The following POF1B variants were observed in gnomAD, a reference collection of about 807,000 sequenced individuals.
POF1B encodes POF1B actin binding protein.
A neutral mutation model predicts 55.3 loss-of-function variants in POF1B; 53 were observed. That is an observed-to-expected ratio of 0.96 (90% confidence interval 0.77 to 1.20). POF1B has a LOEUF of 1.20. Among genes scored for constraint, POF1B ranks in the 50% most tolerant of loss-of-function variants. The pLI, the probability that POF1B is intolerant of heterozygous loss-of-function variation, is 0.00. For missense variants in POF1B, 478 were observed against 420.5 expected (o/e 1.14, Z -1.20); for synonymous variants, 188 against 148.3 (o/e 1.27, Z -1.95).
At chrX:85,331,739 C>G (rs1196861672) in intron 6 of POF1B, among the ~76,000 whole-genome samples, 1 of 110,920 alleles carries the variant, frequency 9.0e-6, no homozygotes, top group African/African-American at 3.3e-5. Context: ...CCTATATTTT[C>G]TTCCCCCTCC....
chrX:85,322,363 A>G (rs1377170268), intron 7 of POF1B, among the ~76,000 whole-genome samples: 4 of 111,245 alleles, frequency 3.6e-5, no homozygotes, highest in Non-Finnish European at 7.5e-5. Context: ...CTATTTAATA[A>G]ATGGTGCTGG....
intron 6 of POF1B, among the ~76,000 whole-genome samples, chrX:85,338,929 A>G (rs1051881822): frequency 8.1e-5 from 9 of 111,733 alleles, no homozygotes; most frequent in Non-Finnish European, 3.8e-5. Context: ...GCAATTAAAA[A>G]TGATGCATTG....
At position 85,307,252 on chromosome X, in the gene POF1B, G is replaced by C; in HGVS notation, c.1075C>G (p.Leu359Val). The change falls in exon 11 of 17, where the codon CTT becomes GTT. Residue 359 changes from leucine (L) to valine (V), a missense_variant. Leu to Val is a conservative substitution (Grantham distance 32). Coordinates refer to ENST00000262753, the MANE Select transcript of POF1B (RefSeq NM_024921.4). The part of the protein sequence containing the change: ...MTSLENDKMR[L>V]EKDLSFKDTQ... ...TCTTTGAATGATAAATCTTTCTCAAGTCTCATCTTGTCATTTTCCAGTGAC... is the reference window on the plus strand; with the variant it reads ...TCTTTGAATGATAAATCTTTCTCAACTCTCATCTTGTCATTTTCCAGTGAC... 8.4e-7 allele frequency: 1 copy of C among 1,192,315 alleles called. No homozygotes were observed. The highest frequency in any genetic ancestry group is 1.1e-6 in the Non-Finnish European group (1 of 883,292).
At chrX:85,353,851 G>T (rs1036019698) in intron 4 of POF1B, among the ~76,000 whole-genome samples, 3 of 111,235 alleles carry the variant, frequency 2.7e-5, no homozygotes, top group Non-Finnish European at 5.7e-5. Context: ...TCTTAGAAGA[G>T]AAAATATTGT....
intron 7 of POF1B, among the ~76,000 whole-genome samples, chrX:85,328,878 T>C (rs1932933197): frequency 9.2e-6 from 1 of 108,699 alleles, no homozygotes; most frequent in Admixed American, 9.8e-5. Context: ...AACTGTGACA[T>C]GAACCCAGGA....
intron 4 of POF1B, among the ~76,000 whole-genome samples, chrX:85,357,953 C>G (rs181620013): frequency 9.0e-6 from 1 of 111,239 alleles, no homozygotes; most frequent in East Asian, 2.9e-4. Context: ...TCCTCCCACT[C>G]ACTTTTCAAT....
At chrX:85,292,846 T>TA (rs199735612) in intron 15 of POF1B, among the ~76,000 whole-genome samples, 22,311 of 100,618 alleles carry the variant, frequency 0.22, 2,387 homozygotes, top group African/African-American at 0.41. Context: ...AACAACCCTG[T>TA]AAAAAAAAAA....
At chrX:85,285,098 C>A (rs1279639907) in intron 15 of POF1B, among the ~76,000 whole-genome samples, 1 of 111,254 alleles carries the variant, frequency 9.0e-6, no homozygotes, top group Non-Finnish European at 1.9e-5. Context: ...CAAATTAAAA[C>A]CACAGTGATC....
intron 5 of POF1B, among the ~76,000 whole-genome samples, chrX:85,350,302 C>G (rs1414253778): frequency 1.8e-5 from 2 of 108,712 alleles, no homozygotes; most frequent in Non-Finnish European, 3.8e-5. Context: ...TTTGTTCTTG[C>G]GATAGTTTAC....
At chrX:85,329,310 C>T (rs1439288720) in intron 7 of POF1B, among the ~76,000 whole-genome samples, 1 of 111,259 alleles carries the variant, frequency 9.0e-6, no homozygotes, top group African/African-American at 3.3e-5. Flanking sequence ...TAATGGGAAA[C>T]AGGGAGACTT....
At chrX:85,377,208 C>T (rs1226039611) in intron 2 of POF1B, among the ~76,000 whole-genome samples, 1 of 111,687 alleles carries the variant, frequency 9.0e-6, no homozygotes, top group Non-Finnish European at 1.9e-5. Flanking sequence ...ATACTCATTT[C>T]GTTAGCATAA....
chrX:85,289,798 G>A (rs139752780), intron 15 of POF1B, among the ~76,000 whole-genome samples: 2,205 of 111,288 alleles, frequency 0.02, 87 homozygotes, highest in Admixed American at 0.12. Flanking sequence ...CTAGCAAGAG[G>A]TGGGGGTGTG....
rs747104592 is a variant in POF1B, at chrX:85,279,375, CA to C, written c.*45del. On this transcript the variant is annotated 3_prime_UTR_variant, in exon 17 of 17. Transcript: ENST00000262753. ...AAGTACTAATGCAGAGACACACACA[CA>C]AAAAAAAAACGGCTTTGAGTTGTAA... The C allele has an allele frequency of 1.8e-5, 19 of 1,055,347 alleles. No homozygotes were observed. The highest frequency in any genetic ancestry group is 4.2e-5 in the South Asian group (2 of 47,465). 87.0% of individuals were successfully genotyped at this position (1,055,347 alleles called of 1,213,427 possible). A position where few individuals can be genotyped will look rare whatever the true frequency, so the allele number is the denominator to read the frequency against.
chrX:85,351,308 T>C (rs1933381556), intron 5 of POF1B, 42 bp downstream of exon 5: 5 of 952,964 alleles, frequency 5.2e-6, no homozygotes, highest in Non-Finnish European at 7.3e-6. Context: ...CAATTCAAAA[T>C]TATACACTTA....
chrX:85,367,660 A>T, intron 3 of POF1B, 32 bp downstream of exon 3: 1 of 1,055,531 alleles, frequency 9.5e-7, no homozygotes, highest in South Asian at 1.9e-5. Flanking sequence ...AAAAAGAGGA[A>T]CAAATCTAAT....
At chrX:85,285,913 C>T (rs1292541940) in intron 15 of POF1B, among the ~76,000 whole-genome samples, 1 of 99,015 alleles carries the variant, frequency 1.0e-5, no homozygotes. Context: ...AAGAAGTCTT[C>T]ACCAGAGAAG....
chrX:85,300,181 G>A (rs190264483), intron 15 of POF1B, among the ~76,000 whole-genome samples: 21 of 112,097 alleles, frequency 1.9e-4, no homozygotes, highest in African/African-American at 6.8e-4. Flanking sequence ...AATCTAGAAA[G>A]CCACAGGCAT....
chrX:85,338,325 G>A (rs1160216492), intron 6 of POF1B, among the ~76,000 whole-genome samples: 3 of 111,348 alleles, frequency 2.7e-5, no homozygotes, highest in Non-Finnish European at 5.7e-5. Context: ...AAAAGCACTG[G>A]TTGTAAGAGG....
At position 85,360,883 on chromosome X, in the gene POF1B, G is replaced by T. The variant is rs776644296; in HGVS notation, c.358-1253C>A. 3.7e-5 allele frequency among the ~76,000 whole-genome samples: 4 copies of T among 109,559 alleles called. No homozygotes were observed. In the South Asian group the frequency reaches 1.6e-3, roughly 43 times the overall value. On this transcript the variant is annotated intron_variant, in intron 3 of 16. Coordinates refer to ENST00000262753, the MANE Select transcript of POF1B (RefSeq NM_024921.4). ...CCACAGCCTCACCAGCATCTGTTAGGTTTTATTTTCTTCTGGCTTGTTAAT... is the reference window on the plus strand; with the variant it reads ...CCACAGCCTCACCAGCATCTGTTAGTTTTTATTTTCTTCTGGCTTGTTAAT...
Sources: allele counts gnomAD v4.1 joint callset (sites outside exome capture counted in the v4.1 genomes callset), GRCh38; gene constraint gnomAD v4.1.1; transcripts MANE v1.5; gene names NCBI Gene and HGNC (gene_info 2026-07-23, HGNC 2026-07-21).